NCAN: variants seen among roughly 807,000 people sequenced by gnomAD.
NCAN encodes the protein neurocan core protein.
In NCAN, 47 loss-of-function variants were observed where a neutral mutation model predicts 121.8. The ratio of observed to expected loss-of-function variants is 0.39; its 90% CI spans 0.31 to 0.49. The LOEUF is 0.49. NCAN is among the 20% of genes least tolerant of loss of function. NCAN has a pLI of 0.92. For missense variants in NCAN, 1,517 were observed against 1,773.4 expected (o/e 0.86, Z 2.60); for synonymous variants, 633 against 702.0 (o/e 0.90, Z 1.55).
intron 13 of NCAN, among the ~76,000 whole-genome samples, chr19:19,247,680 C>T (rs545457310): frequency 6.6e-6 from 1 of 152,284 alleles, no homozygotes; most frequent in East Asian, 1.9e-4. Flanking sequence ...CCTGAGCTGC[C>T]GCACCCGGCC....
In NCAN at chr19:19,233,874, T is replaced by G; in HGVS notation, c.3105T>G (p.Asp1035Glu). The change falls in exon 9 of 15, where the codon GAT becomes GAG. Residue 1035 changes from aspartate to glutamate, a missense_variant. By Grantham distance (45) the Asp-to-Glu change is conservative. Transcript: ENST00000252575. ...ANGTMYGCSCDQGFAGENCEI... is the reference protein window; with the variant it reads ...ANGTMYGCSCEQGFAGENCEI... ...GCACCATGTATGGCTGTAGCTGTGA[T>G]CAGGGCTTCGCCGGGGAGAACTGTG... The G allele has an allele frequency of 6.2e-7, 1 of 1,613,764 alleles. No individual in the cohort carries two copies. Among genetic ancestry groups the G allele is most frequent in the Middle Eastern group, 1.7e-4 (1 of 6,060 alleles).
rs201057751 is a variant in NCAN, at chr19:19,233,887, G to A, written c.3118G>A (p.Gly1040Arg). The A allele has an allele frequency of 1.1e-5, 18 of 1,610,994 alleles. No homozygotes were observed. Among genetic ancestry groups the A allele is most frequent in the African/African-American group, 4.0e-5 (3 of 74,948 alleles). The stretch of plus-strand genomic sequence containing the variant: ...CTGTAGCTGTGATCAGGGCTTCGCC[G>A]GGGAGAACTGTGAGATTGGTGAGTA... Reference protein sequence around the residue: ...YGCSCDQGFAGENCEIDIDDC... With the variant: ...YGCSCDQGFARENCEIDIDDC... The change falls in exon 9 of 15, where the codon GGG becomes AGG. Residue 1040 changes from glycine (G) to arginine (R), a missense_variant. By Grantham distance (125) the Gly-to-Arg change is moderately radical (BLOSUM62 -2). Transcript: ENST00000252575.
Position 19,249,837 on chromosome 19 carries a change from T to C in NCAN, c.3892T>C (p.Ser1298Pro), listed in dbSNP as rs764481340. The change falls in exon 15 of 15, where the codon TCC becomes CCC. Residue 1298 changes from serine (S) to proline (P), a missense_variant. Coordinates refer to ENST00000252575, the MANE Select transcript of NCAN (RefSeq NM_004386.3). ...QHHHQHHHHK[S>P]RKERRKHKKH... ...CCACCACCAGCATCACCACCACAAA[T>C]CCCGCAAGGAGCGCAGAAAACACAA... is the stretch of plus-strand genomic sequence containing the variant. 1.2e-6 allele frequency: 2 copies of C among 1,612,302 alleles called. No individual in the cohort carries two copies.
At chr19:19,220,450 C>CTTTTTTTTTTTTTTT (rs71170607) in intron 3 of NCAN, among the ~76,000 whole-genome samples, 3 of 72,692 alleles carry the variant, frequency 4.1e-5, no homozygotes, top group Admixed American at 2.3e-4. Context: ...TTAGGCAATT[C>CTTTTTTTTTTTTTTT]TTTTTTTTTT....
chr19:19,239,621 TCCTCC>T (rs1406866523), intron 11 of NCAN, among the ~76,000 whole-genome samples: 1 of 60,296 alleles, frequency 1.7e-5, no homozygotes, highest in Non-Finnish European at 3.0e-5. Context: ...CTCTCTCCTC[TCCTCC>T]CCCTTCCCTC....
At position 19,212,617 on chromosome 19, in the gene NCAN, C is replaced by T. The variant is rs1430303646; in HGVS notation, c.-8+553C>T. ...CGGCCATGGGGAAGGGGCTCCCTGC[C>T]ATCTCCCTGTCCTTTTGGGTCAGGT... On this transcript the variant is annotated intron_variant, in intron 1 of 14. Transcript: ENST00000252575. This position sits in a 1 kb window ranked among gnomAD's most constrained non-coding sequence, Gnocchi z 4.5. Among the ~76,000 whole-genome samples, 1 of 152,206 alleles carries T rather than the reference C, an allele frequency of 6.6e-6. No individual in the cohort carries two copies. Among genetic ancestry groups the T allele is most frequent in the Non-Finnish European group, 1.5e-5 (1 of 68,036 alleles).
At chr19:19,237,093 T>C (rs1009643109) in intron 10 of NCAN, among the ~76,000 whole-genome samples, 4 of 151,820 alleles carry the variant, frequency 2.6e-5, no homozygotes, top group Non-Finnish European at 5.9e-5. Flanking sequence ...TTTTTTTTTT[T>C]TTGAAGTTTA....
At chr19:19,236,619 G>C (rs2060882105) in intron 10 of NCAN, among the ~76,000 whole-genome samples, 1 of 151,640 alleles carries the variant, frequency 6.6e-6, no homozygotes, top group Non-Finnish European at 1.5e-5. Context: ...TTGTAGAGAT[G>C]GGGTTTTGCC....
At chr19:19,237,048 G>A (rs1056929078) in intron 10 of NCAN, among the ~76,000 whole-genome samples, 6 of 151,716 alleles carry the variant, frequency 4.0e-5, no homozygotes, top group Non-Finnish European at 8.8e-5. Flanking sequence ...CCAGTATCTG[G>A]GACTATAGGC....
At chr19:19,238,486 A>T (rs754875827) in intron 11 of NCAN, 75 bp downstream of exon 11, 1 of 1,555,884 alleles carries the variant, frequency 6.4e-7, no homozygotes, top group Non-Finnish European at 8.9e-7. Flanking sequence ...TTGCCAGGGC[A>T]TCGCATCCCT....
At position 19,226,767 on chromosome 19, in the gene NCAN, G is replaced by T; in HGVS notation, c.1354G>T (p.Ala452Ser). The part of the protein sequence containing the change: ...PTGEVWLSTV[A>S]PSPSDMGAGT... The stretch of plus-strand genomic sequence containing the variant: ...TGGGGAAGTGTGGCTAAGCACGGTG[G>T]CCCCCAGCCCTAGCGACATGGGGGC... The change falls in exon 7 of 15, where the codon GCC becomes TCC. Residue 452 changes from alanine to serine, a missense_variant. Physicochemically the swap from Ala to Ser is moderately conservative, Grantham distance 99 (BLOSUM62 1). Transcript: ENST00000252575. 6.2e-7 allele frequency: 1 copy of T among 1,613,356 alleles called. No individual in the cohort carries two copies. Among genetic ancestry groups the T allele is most frequent in the East Asian group, 2.2e-5 (1 of 44,882 alleles).
At position 19,250,243 on chromosome 19, in the gene NCAN, G is replaced by A. The variant is rs1320993115; in HGVS notation, c.*332G>A. ...CTGATTGAAGCAGGCCTTGATGAGG[G>A]TGCATGAGTGTATGTTTGCATTCAC... On this transcript the variant is annotated 3_prime_UTR_variant, in exon 15 of 15. Transcript: ENST00000252575. The A allele has an allele frequency of 3.6e-5, 18 of 498,342 alleles. No homozygotes were observed. Among genetic ancestry groups the A allele is most frequent in the Non-Finnish European group, 6.5e-5 (17 of 260,190 alleles). The allele number at this position is 498,342 out of a possible 1,614,324, so 30.9% of individuals were successfully genotyped here.
chr19:19,243,531 A>G (rs1005348932), intron 12 of NCAN, among the ~76,000 whole-genome samples: 24 of 150,864 alleles, frequency 1.6e-4, no homozygotes, highest in Middle Eastern at 3.4e-3. Context: ...AAAAAAAAAA[A>G]AAAGAAAAAG....
In NCAN at chr19:19,226,507, A is replaced by G. The variant is rs1420714143; in HGVS notation, c.1094A>G (p.His365Arg). The change falls in exon 7 of 15, where the codon CAT becomes CGT. Residue 365 changes from histidine to arginine, a missense_variant. Transcript: ENST00000252575. ...ACAGCTCATCACCCCACGTCACAAC[A>G]TGGAGACCTAGAGACCCCATCCTCT... Reference protein sequence around the residue: ...CFRAHHPTSQHGDLETPSSGD... With the variant: ...CFRAHHPTSQRGDLETPSSGD... 5 of 1,595,740 alleles carry G rather than the reference A, an allele frequency of 3.1e-6. No homozygotes were observed. Among genetic ancestry groups the G allele is most frequent in the East Asian group, 2.3e-5 (1 of 44,444 alleles).
intron 8 of NCAN, among the ~76,000 whole-genome samples, chr19:19,230,591 G>A (rs2060854634): frequency 6.6e-6 from 1 of 150,626 alleles, no homozygotes; most frequent in Non-Finnish European, 1.5e-5. Context: ...TTTATAGACA[G>A]GGTTTTGCCA....
intron 8 of NCAN, among the ~76,000 whole-genome samples, chr19:19,232,494 A>G (rs1433007214): frequency 1.3e-5 from 2 of 152,192 alleles, no homozygotes; most frequent in African/African-American, 4.8e-5. Context: ...TTTGCCATCC[A>G]TGGGGCCACC....
At chr19:19,243,204 T>G (rs2060910173) in intron 12 of NCAN, among the ~76,000 whole-genome samples, 1 of 151,550 alleles carries the variant, frequency 6.6e-6, no homozygotes. Flanking sequence ...TACAGAATTT[T>G]GGTGTGTTGT....
At chr19:19,213,343 C>T (rs1388853018) in intron 1 of NCAN, among the ~76,000 whole-genome samples, 1 of 151,848 alleles carries the variant, frequency 6.6e-6, no homozygotes, top group Non-Finnish European at 1.5e-5. Context: ...GTGTCTTTGT[C>T]AGAAAACTTG....
Position 19,219,261 on chromosome 19 carries a change from C to T in NCAN, c.420C>T (p.Cys140=), listed in dbSNP as rs2060806930. The T allele has an allele frequency of 6.3e-7, 1 of 1,596,906 alleles. No individual in the cohort carries two copies. Among genetic ancestry groups the T allele is most frequent in the Non-Finnish European group, 8.5e-7 (1 of 1,176,038 alleles). The change falls in exon 3 of 15, where the codon TGC becomes TGT. Residue 140 remains cysteine (C), a synonymous_variant. Coordinates refer to ENST00000252575, the MANE Select transcript of NCAN (RefSeq NM_004386.3). ...LRASDSGLYR[C]QVVRGIEDEQ... is the part of the protein sequence containing the mutation. ...CCAGTGACTCTGGGCTGTACCGCTG[C>T]CAGGTGGTGAGGGGCATCGAGGATG...
Sources: allele counts gnomAD v4.1 joint callset (sites outside exome capture counted in the v4.1 genomes callset), GRCh38; gene constraint gnomAD v4.1.1; non-coding constraint Gnocchi (gnomAD v3.1); transcripts MANE v1.5; gene names NCBI Gene and HGNC (gene_info 2026-07-23, HGNC 2026-07-21).